SLC25A21: variants seen among roughly 807,000 people sequenced by gnomAD.
The protein encoded by SLC25A21 is solute carrier family 25 member 21, also known as mitochondrial 2-oxodicarboxylate carrier.
In SLC25A21, 47 loss-of-function variants were observed where a neutral mutation model predicts 43.8. The ratio of observed to expected loss-of-function variants is 1.07; its 90% CI spans 0.85 to 1.37. The LOEUF is 1.37. SLC25A21 is among the 40% of genes most tolerant of loss of function. The pLI, the probability that SLC25A21 is intolerant of heterozygous loss-of-function variation, is 0.00. For missense variants in SLC25A21, 352 were observed against 350.2 expected (o/e 1.00, Z -0.04); for synonymous variants, 131 against 121.3 (o/e 1.08, Z -0.52).
At chr14:36,726,973 G>T (rs1226640357) in intron 5 of SLC25A21, among the ~76,000 whole-genome samples, 1 of 152,170 alleles carries the variant, frequency 6.6e-6, no homozygotes, top group Non-Finnish European at 1.5e-5. Flanking sequence ...CCTTAGAAAG[G>T]GAGGCACAAA....
intron 4 of SLC25A21, among the ~76,000 whole-genome samples, chr14:36,731,217 A>T (rs959006782): frequency 6.6e-6 from 1 of 152,070 alleles, no homozygotes; most frequent in Non-Finnish European, 1.5e-5. Flanking sequence ...TCGTGATCCG[A>T]CCGCCTCGGC....
At chr14:37,169,347 C>T (rs1964082984) in intron 1 of SLC25A21, among the ~76,000 whole-genome samples, 1 of 152,046 alleles carries the variant, frequency 6.6e-6, no homozygotes, top group South Asian at 2.1e-4. Context: ...TATTACCTGC[C>T]TCCCTGCTGC....
chr14:36,981,593 A>G (rs567793036), intron 1 of SLC25A21, among the ~76,000 whole-genome samples: 1 of 152,320 alleles, frequency 6.6e-6, no homozygotes, highest in South Asian at 2.1e-4. Flanking sequence ...CAAGGACAGA[A>G]AACCAAACAC....
intron 5 of SLC25A21, among the ~76,000 whole-genome samples, chr14:36,726,446 A>T (rs1433592618): frequency 1.3e-5 from 2 of 152,066 alleles, no homozygotes; most frequent in Non-Finnish European, 2.9e-5. Context: ...TAAAATAAAA[A>T]AAAAAAGAAG....
chr14:36,907,895 C>T (rs1355434112), intron 1 of SLC25A21, among the ~76,000 whole-genome samples: 4 of 152,106 alleles, frequency 2.6e-5, no homozygotes, highest in East Asian at 1.9e-4. Flanking sequence ...GAATAAGTTC[C>T]GATTTCTTCT....
intron 1 of SLC25A21, among the ~76,000 whole-genome samples, chr14:36,876,620 C>T (rs192571881): frequency 6.4e-4 from 98 of 152,132 alleles, no homozygotes; most frequent in Middle Eastern, 6.8e-3. Context: ...ATATACTTCT[C>T]CTTGCTTGAG....
intron 3 of SLC25A21, among the ~76,000 whole-genome samples, chr14:36,791,127 GAATT>G (rs1263861487): frequency 6.6e-6 from 1 of 152,034 alleles, no homozygotes; most frequent in Non-Finnish European, 1.5e-5. Context: ...GATCCTTTCA[GAATT>G]ATTTAAATCT....
rs58168868 is a variant in SLC25A21 at position 37,112,962 on chromosome 14, CA to C, written c.70+59318del. 8.8e-3 allele frequency among the ~76,000 whole-genome samples: 1,296 copies of C among 147,498 alleles called. 20 individuals are homozygous for C. Among genetic ancestry groups the C allele is most frequent in the African/African-American group, 0.03 (1,206 of 40,356 alleles). On this transcript the variant is annotated intron_variant, in intron 1 of 9. Transcript: ENST00000331299. ...TTTGTTAATGACTAAAAAATGGAAA[CA>C]AAAAAAAAATCGGAATAGATGCAAA...
At position 36,679,467 on chromosome 14, in the gene SLC25A21, A is replaced by AGTT. The variant is rs1204865127; in HGVS notation, c.*1188_*1190dup. On this transcript the variant is annotated 3_prime_UTR_variant, in exon 10 of 10. Coordinates refer to ENST00000331299, the MANE Select transcript of SLC25A21 (RefSeq NM_030631.4). ...TAGGACAGGTGTCATATGGACTTTC[A>AGTT]GTTATTCTTGTTGACTTTACTGAAT... The AGTT allele has an allele frequency of 5.1e-6, 5 of 985,296 alleles. No individual in the cohort carries two copies. In the East Asian group the frequency reaches 5.7e-4, roughly 112 times the overall value. 61.0% of individuals were successfully genotyped at this position (985,296 alleles called of 1,614,324 possible). A position where few individuals can be genotyped will look rare whatever the true frequency, so the allele number is the denominator to read the frequency against.
intron 1 of SLC25A21, among the ~76,000 whole-genome samples, chr14:36,904,313 G>A (rs1201573999): frequency 6.6e-6 from 1 of 152,100 alleles, no homozygotes; most frequent in African/African-American, 2.4e-5. Flanking sequence ...ATCTAGTTTT[G>A]TCTTGAGCAA....
intron 3 of SLC25A21, among the ~76,000 whole-genome samples, chr14:36,795,844 C>T (rs1887651479): frequency 6.6e-6 from 1 of 152,162 alleles, no homozygotes; most frequent in Admixed American, 6.5e-5. Flanking sequence ...CTAAGCTGTG[C>T]CTGAAAAGTA....
intron 3 of SLC25A21, among the ~76,000 whole-genome samples, chr14:36,803,283 T>C (rs377239410): frequency 1.3e-5 from 2 of 152,330 alleles, no homozygotes; most frequent in African/African-American, 4.8e-5. Flanking sequence ...GTAACACATA[T>C]TTTATTTTAC....
chr14:36,768,327 C>T (rs887117662), intron 3 of SLC25A21, among the ~76,000 whole-genome samples: 4 of 152,120 alleles, frequency 2.6e-5, no homozygotes, highest in African/African-American at 9.7e-5. Context: ...AGCAATTGTG[C>T]CACTTTCTAT....
intron 1 of SLC25A21, among the ~76,000 whole-genome samples, chr14:37,042,157 T>C (rs903467030): frequency 4.6e-5 from 7 of 152,334 alleles, no homozygotes; most frequent in African/African-American, 1.4e-4. Flanking sequence ...TGTTTATATG[T>C]TTTTAAAGCT....
Position 36,893,282 on chromosome 14 carries a change from T to C in SLC25A21, c.71-18278A>G, listed in dbSNP as rs1169760873. Among the ~76,000 whole-genome samples the C allele has an allele frequency of 1.9e-3, 290 of 152,280 alleles. 5 individuals are homozygous for C. The highest frequency in any genetic ancestry group is 7.5e-4 in the Non-Finnish European group (51 of 68,018). On this transcript the variant is annotated intron_variant, in intron 1 of 9. Coordinates refer to ENST00000331299, the MANE Select transcript of SLC25A21 (RefSeq NM_030631.4). ...GATATCTCACTGTGGTTTTGATTTGTATTTCTCTGATGGCCAGTGATGGTG... is the reference window on the plus strand; with the variant it reads ...GATATCTCACTGTGGTTTTGATTTGCATTTCTCTGATGGCCAGTGATGGTG...
intron 1 of SLC25A21, among the ~76,000 whole-genome samples, chr14:37,002,280 C>G (rs974424329): frequency 1.3e-5 from 2 of 152,136 alleles, no homozygotes; most frequent in African/African-American, 4.8e-5. Flanking sequence ...TTGTTCTCCA[C>G]CATATCTCTC....
chr14:37,053,755 T>C (rs1339444803), intron 1 of SLC25A21, among the ~76,000 whole-genome samples: 2 of 152,114 alleles, frequency 1.3e-5, no homozygotes, highest in East Asian at 3.9e-4. Context: ...TTCCTCTGAA[T>C]AGATTAGAAA....
chr14:36,817,988 A>C (rs956673373), intron 2 of SLC25A21, among the ~76,000 whole-genome samples: 1 of 152,240 alleles, frequency 6.6e-6, no homozygotes, highest in Non-Finnish European at 1.5e-5. Context: ...GAGTTCTTGA[A>C]TACAACTATT....
At chr14:37,044,622 T>C (rs1393369598) in intron 1 of SLC25A21, among the ~76,000 whole-genome samples, 2 of 152,338 alleles carry the variant, frequency 1.3e-5, no homozygotes, top group Non-Finnish European at 2.9e-5. Flanking sequence ...TCATTCTCTT[T>C]AGTTTTACAA....
Sources: gnomAD v4.1 joint callset for allele counts (sites outside exome capture counted in the v4.1 genomes callset) on GRCh38, gnomAD v4.1.1 for gene constraint, MANE v1.5 for transcripts, NCBI Gene and HGNC (gene_info 2026-07-23, HGNC 2026-07-21) for gene names.